RNF111: variants seen among roughly 807,000 people sequenced by gnomAD.
The protein encoded by RNF111 is E3 ubiquitin-protein ligase Arkadia.
In RNF111, 17 loss-of-function variants were observed where a neutral mutation model predicts 95.1. That is an observed-to-expected ratio of 0.18 (90% CI 0.12 to 0.27). RNF111 has a LOEUF of 0.27. RNF111 is among the 10% of genes least tolerant of loss of function. The pLI, the probability that RNF111 is intolerant of heterozygous loss-of-function variation, is 1.00. For missense variants in RNF111, 1,189 were observed against 1,210.4 expected (o/e 0.98, Z 0.26); for synonymous variants, 440 against 414.8 (o/e 1.06, Z -0.74).
intron 10 of RNF111, among the ~76,000 whole-genome samples, chr15:59,086,748 T>A (rs1351953968): frequency 6.6e-6 from 1 of 152,212 alleles, no homozygotes; most frequent in African/African-American, 2.4e-5. Flanking sequence ...AGCTGGTGTT[T>A]CTAATTTTAG....
intron 10 of RNF111, among the ~76,000 whole-genome samples, chr15:59,088,388 G>C (rs184783161): frequency 6.6e-6 from 1 of 152,140 alleles, no homozygotes; most frequent in Admixed American, 6.5e-5. Flanking sequence ...TAGGAGGTTG[G>C]GTTATCTGCT....
At chr15:59,081,683 A>C (rs1482656718) in intron 8 of RNF111, among the ~76,000 whole-genome samples, 1 of 151,968 alleles carries the variant, frequency 6.6e-6, no homozygotes, top group Non-Finnish European at 1.5e-5. Flanking sequence ...GTGCCACTGC[A>C]CTCTAGCTTA....
chr15:59,011,771 C>G (rs1196399992), intron 1 of RNF111, among the ~76,000 whole-genome samples: 1 of 152,030 alleles, frequency 6.6e-6, no homozygotes, highest in African/African-American at 2.4e-5. Flanking sequence ...AATGTCTTAT[C>G]TCTAAATACA....
At chr15:59,023,596 C>T (rs2040454436) in intron 1 of RNF111, among the ~76,000 whole-genome samples, 1 of 152,058 alleles carries the variant, frequency 6.6e-6, no homozygotes, top group Non-Finnish European at 1.5e-5. Context: ...TGGTTTTCTA[C>T]TATTGAGCTC....
rs2079173451 is a variant in RNF111 at position 59,096,151 on chromosome 15, A to G, written c.*1251A>G. On this transcript the variant is annotated 3_prime_UTR_variant, in exon 14 of 14. Transcript: ENST00000348370. ...ATTTACTGCATAATATAGAATATAA[A>G]GTTAAGTTAACATACTAACATTTCT... 1 of 398,230 alleles carries G rather than the reference A, an allele frequency of 2.5e-6. No homozygotes were observed. Among genetic ancestry groups the G allele is most frequent in the African/African-American group, 2.1e-5 (1 of 48,622 alleles). The allele number at this position is 398,230 out of a possible 1,614,324, so 24.7% of individuals were successfully genotyped here. A position where few individuals can be genotyped will look rare whatever the true frequency, so the allele number is the denominator to read the frequency against.
chr15:59,072,306 G>A (rs1425844256), intron 6 of RNF111, among the ~76,000 whole-genome samples: 1 of 152,148 alleles, frequency 6.6e-6, no homozygotes, highest in South Asian at 2.1e-4. Context: ...ACATGATGCT[G>A]TTTAATGGTG....
intron 6 of RNF111, among the ~76,000 whole-genome samples, chr15:59,074,785 A>G (rs981469103): frequency 1.6e-4 from 22 of 140,630 alleles, no homozygotes; most frequent in African/African-American, 4.4e-4. Context: ...CTGGTGCAAG[A>G]GGCCTAGCTT....
At chr15:59,062,051 CT>C (rs71119429) in intron 5 of RNF111, among the ~76,000 whole-genome samples, 4,731 of 122,244 alleles carry the variant, frequency 0.039, 104 homozygotes, top group African/African-American at 0.075. Context: ...TTTTAAACTT[CT>C]TTTTTTTTTT....
chr15:58,991,496 A>AG (rs2038815005), intron 1 of RNF111, among the ~76,000 whole-genome samples: 1 of 152,220 alleles, frequency 6.6e-6, no homozygotes. Flanking sequence ...GGTTTCAGGT[A>AG]GTGGTAAGTG....
chr15:59,085,764 A>G lies in RNF111; in HGVS notation c.2529A>G (p.Gln843=), dbSNP rs750916413. 4.3e-6 allele frequency: 7 copies of G among 1,613,106 alleles called. No individual in the cohort carries two copies. In the East Asian group the frequency reaches 8.9e-5, roughly 21 times the overall value. Residue 843 remains glutamine, a synonymous_variant, in exon 10 of 14, where the codon CAA becomes CAG. Coordinates refer to ENST00000348370, the MANE Select transcript of RNF111 (RefSeq NM_017610.8). ...CACCTCCTCGACTTCATCACTTACA[A>G]TTAGGAGCTCTTCCTTTAATGGTAA... The part of the protein sequence containing the change: ...YHAPPRLHHL[Q]LGALPLMVPD...
chr15:59,007,879 A>C (rs2039612270), intron 1 of RNF111, among the ~76,000 whole-genome samples: 1 of 152,152 alleles, frequency 6.6e-6, no homozygotes, highest in Non-Finnish European at 1.5e-5. Context: ...TTCAGTATTC[A>C]AGTTACGTAT....
intron 12 of RNF111, among the ~76,000 whole-genome samples, chr15:59,091,555 A>G (rs1426767133): frequency 6.6e-6 from 1 of 152,190 alleles, no homozygotes; most frequent in East Asian, 1.9e-4. Context: ...GCAGAATTCC[A>G]TCATATGGCA....
chr15:59,008,412 T>C (rs2039639961), intron 1 of RNF111, among the ~76,000 whole-genome samples: 1 of 151,942 alleles, frequency 6.6e-6, no homozygotes, highest in Non-Finnish European at 1.5e-5. Context: ...AGAGACAGGG[T>C]CTCACTTTAT....
intron 1 of RNF111, among the ~76,000 whole-genome samples, chr15:59,010,493 C>T (rs2039749273): frequency 1.3e-5 from 2 of 151,984 alleles, no homozygotes; most frequent in Admixed American, 1.3e-4. Flanking sequence ...CCATTGCCTC[C>T]TAGGTTTAAG....
At chr15:59,020,338 T>G (rs1341533755) in intron 1 of RNF111, among the ~76,000 whole-genome samples, 1 of 151,874 alleles carries the variant, frequency 6.6e-6, no homozygotes, top group African/African-American at 2.4e-5. Flanking sequence ...ATGTCTTATT[T>G]AGTATACATT....
intron 2 of RNF111, among the ~76,000 whole-genome samples, chr15:59,047,064 C>G (rs1324063761): frequency 6.6e-6 from 1 of 151,940 alleles, no homozygotes; most frequent in African/African-American, 2.4e-5. Context: ...CTCAAGCAAT[C>G]CACTTACCTC....
chr15:59,070,962 G>A (rs1355776989), intron 6 of RNF111, among the ~76,000 whole-genome samples: 1 of 152,092 alleles, frequency 6.6e-6, no homozygotes, highest in African/African-American at 2.4e-5. Flanking sequence ...ATTTTGAAAA[G>A]TATGGTTCCA....
intron 1 of RNF111, among the ~76,000 whole-genome samples, chr15:58,997,672 A>C (rs1429742083): frequency 2.6e-5 from 4 of 151,244 alleles, no homozygotes; most frequent in African/African-American, 9.7e-5. Context: ...CAAAATTAGC[A>C]GGGCGTGGTG....
At chr15:59,068,155 G>A (rs1358690281) in intron 6 of RNF111, among the ~76,000 whole-genome samples, 2 of 152,118 alleles carry the variant, frequency 1.3e-5, no homozygotes, top group East Asian at 3.8e-4. Flanking sequence ...GGGAGGCTTA[G>A]GTTGCAGTGA....
Sources: gnomAD v4.1 joint callset for allele counts (sites outside exome capture counted in the v4.1 genomes callset) on GRCh38, gnomAD v4.1.1 for gene constraint, MANE v1.5 for transcripts, NCBI Gene and HGNC (gene_info 2026-07-23, HGNC 2026-07-21) for gene names.